The following MMP16 variants were observed in gnomAD, a reference collection of about 807,000 sequenced individuals.
MMP16 encodes the protein matrix metalloproteinase-16.
MMP16 carries 12 observed loss-of-function variants against 67.8 expected under a neutral mutation model. The ratio of observed to expected loss-of-function variants is 0.18; its 90% CI spans 0.11 to 0.29. MMP16 has a LOEUF of 0.29. Among genes scored for constraint, MMP16 ranks in the 10% least tolerant of loss-of-function variants. MMP16 has a pLI of 1.00. For synonymous variants in MMP16, 249 were observed against 255.9 expected (o/e 0.97, Z 0.26); for missense variants, 475 against 765.7 (o/e 0.62, Z 4.48).
At chr8:88,204,914 T>A (rs1809402738) in intron 1 of MMP16, among the ~76,000 whole-genome samples, 1 of 152,188 alleles carries the variant, frequency 6.6e-6, no homozygotes, top group South Asian at 2.1e-4. Flanking sequence ...GCCCGTATCC[T>A]ACAGAAACAA....
intron 1 of MMP16, among the ~76,000 whole-genome samples, chr8:88,200,511 A>G (rs1204983051): frequency 1.3e-5 from 2 of 152,016 alleles, no homozygotes; most frequent in Non-Finnish European, 2.9e-5. Context: ...GACAAAACCA[A>G]TTTCCAGCAC....
At chr8:88,066,961 A>G (rs1808471083) in intron 7 of MMP16, among the ~76,000 whole-genome samples, 1 of 152,124 alleles carries the variant, frequency 6.6e-6, no homozygotes, top group Non-Finnish European at 1.5e-5. Context: ...TGTGGGCATC[A>G]AAATTTTTTT....
chr8:88,290,305 C>G (rs1386459660), intron 1 of MMP16, among the ~76,000 whole-genome samples: 1 of 152,048 alleles, frequency 6.6e-6, no homozygotes, highest in East Asian at 1.9e-4. Context: ...GTAATCCCAG[C>G]AACTTGGGAG....
At chr8:88,247,581 C>T (rs1259805204) in intron 1 of MMP16, among the ~76,000 whole-genome samples, 7 of 151,786 alleles carry the variant, frequency 4.6e-5, no homozygotes, top group Admixed American at 3.9e-4. Context: ...TGTTGTGGTT[C>T]TTAACAAGAA....
intron 6 of MMP16, among the ~76,000 whole-genome samples, chr8:88,106,600 C>T (rs543565270): frequency 5.2e-4 from 79 of 151,234 alleles, no homozygotes; most frequent in African/African-American, 1.7e-3. Context: ...AATGACAGTG[C>T]TAGTTCCCCA....
intron 4 of MMP16, among the ~76,000 whole-genome samples, chr8:88,119,992 C>T (rs1412950030): frequency 6.6e-6 from 1 of 151,826 alleles, no homozygotes; most frequent in Non-Finnish European, 1.5e-5. Context: ...GGCGAAAAAC[C>T]AACATTTTTT....
At chr8:88,203,067 T>C (rs1464263828) in intron 1 of MMP16, among the ~76,000 whole-genome samples, 2 of 151,160 alleles carry the variant, frequency 1.3e-5, no homozygotes, top group Admixed American at 6.6e-5. Context: ...GGGTGCAAAA[T>C]GTCCCACTGA....
At chr8:88,284,425 C>A (rs1478512639) in intron 1 of MMP16, among the ~76,000 whole-genome samples, 2 of 151,904 alleles carry the variant, frequency 1.3e-5, no homozygotes, top group East Asian at 1.9e-4. Context: ...TAATTTCTTC[C>A]ATATACAATG....
At chr8:88,181,898 A>G (rs375426657) in intron 3 of MMP16, among the ~76,000 whole-genome samples, 83 of 152,176 alleles carry the variant, frequency 5.5e-4, no homozygotes, top group South Asian at 3.9e-3. Flanking sequence ...AGGCAATACA[A>G]TGGAGAAAGA....
chr8:88,046,289 A>G (rs1013514796), intron 9 of MMP16, among the ~76,000 whole-genome samples: 1 of 152,176 alleles, frequency 6.6e-6, no homozygotes, highest in Non-Finnish European at 1.5e-5. Context: ...AACATGCATT[A>G]TTACCAGATA....
intron 1 of MMP16, among the ~76,000 whole-genome samples, chr8:88,237,679 A>AAG (rs1435630329): frequency 2.2e-4 from 2 of 9,012 alleles, no homozygotes; most frequent in Admixed American, 6.5e-3. Context: ...CAACAACAAC[A>AAG]ACAAAAAACA....
intron 6 of MMP16, among the ~76,000 whole-genome samples, chr8:88,077,121 G>A (rs964652065): frequency 3.3e-5 from 5 of 152,190 alleles, no homozygotes; most frequent in Non-Finnish European, 7.3e-5. Flanking sequence ...TGAAACTGCA[G>A]ATGAATTCCA....
chr8:88,192,974 A>G (rs1809193910), intron 2 of MMP16, among the ~76,000 whole-genome samples: 1 of 152,162 alleles, frequency 6.6e-6, no homozygotes, highest in Non-Finnish European at 1.5e-5. Context: ...AATTAGGATA[A>G]TCACTATGGA....
At chr8:88,125,748 T>C (rs1251125301) in intron 4 of MMP16, among the ~76,000 whole-genome samples, 1 of 151,960 alleles carries the variant, frequency 6.6e-6, no homozygotes, top group Admixed American at 6.6e-5. Flanking sequence ...AAGCCCTTTT[T>C]GTTTCCGATT....
At chr8:88,214,306 G>A (rs1453572517) in intron 1 of MMP16, among the ~76,000 whole-genome samples, 2 of 152,064 alleles carry the variant, frequency 1.3e-5, no homozygotes, top group African/African-American at 2.4e-5. Flanking sequence ...TATTTATATA[G>A]GTAAATGAAA....
At chr8:88,153,245 G>A (rs1408179304) in intron 4 of MMP16, among the ~76,000 whole-genome samples, 1 of 151,982 alleles carries the variant, frequency 6.6e-6, no homozygotes, top group Non-Finnish European at 1.5e-5. Flanking sequence ...AACATTCCAT[G>A]CTCATGGGTA....
At chr8:88,074,118 T>A (rs1225334433) in intron 7 of MMP16, among the ~76,000 whole-genome samples, 1 of 152,162 alleles carries the variant, frequency 6.6e-6, no homozygotes. Flanking sequence ...TAACAGACAA[T>A]ACATTTCATG....
intron 4 of MMP16, among the ~76,000 whole-genome samples, chr8:88,130,876 T>C (rs932675464): frequency 2.2e-4 from 34 of 151,868 alleles, no homozygotes; most frequent in African/African-American, 8.2e-4. Context: ...ATAACTTCAC[T>C]GTAGTCTTGG....
At chr8:88,229,227 C>T (rs545708132) in intron 1 of MMP16, among the ~76,000 whole-genome samples, 1 of 152,156 alleles carries the variant, frequency 6.6e-6, no homozygotes, top group Admixed American at 6.6e-5. Flanking sequence ...TGTGAATATG[C>T]TGAGTTTTCC....
Sources: gnomAD v4.1 joint callset for allele counts (sites outside exome capture counted in the v4.1 genomes callset) on GRCh38, gnomAD v4.1.1 for gene constraint, MANE v1.5 for transcripts, NCBI Gene and HGNC (gene_info 2026-07-23, HGNC 2026-07-21) for gene names.